The following NNT variants were observed in gnomAD, a reference collection of about 807,000 sequenced individuals.
NNT encodes the protein NAD(P) transhydrogenase, mitochondrial.
A neutral mutation model predicts 104.8 loss-of-function variants in NNT; 50 were observed. The observed-to-expected ratio is 0.48, with a 90% CI of 0.38 to 0.60. The LOEUF (loss-of-function observed/expected upper bound fraction) is 0.60. NNT is among the 20% of genes least tolerant of loss of function. The probability of loss-of-function intolerance (pLI) is 0.00; values close to 1 mark genes in which losing one functional copy is unlikely to be tolerated. For missense variants in NNT, 1,131 were observed against 1,330.7 expected (o/e 0.85, Z 2.33); for synonymous variants, 461 against 490.4 (o/e 0.94, Z 0.79).
At chr5:43,684,267 A>G (rs1741870297) in intron 19 of NNT, among the ~76,000 whole-genome samples, 1 of 151,948 alleles carries the variant, frequency 6.6e-6, no homozygotes, top group Non-Finnish European at 1.5e-5. Flanking sequence ...GAACAACAGA[A>G]TTCAGAAACA....
At chr5:43,619,298 T>A (rs1162314102) in intron 5 of NNT, among the ~76,000 whole-genome samples, 179 bp downstream of exon 5, 3 of 152,154 alleles carry the variant, frequency 2.0e-5, no homozygotes, top group Non-Finnish European at 4.4e-5. Context: ...TAGAAAAAAA[T>A]GAACTTTGAC....
chr5:43,663,768 T>C (rs1580068209), intron 17 of NNT, among the ~76,000 whole-genome samples: 1 of 152,346 alleles, frequency 6.6e-6, no homozygotes, highest in Non-Finnish European at 1.5e-5. Context: ...ATTATTCTCA[T>C]TTTACTGAGA....
In NNT at chr5:43,656,766, A is replaced by G. The variant is rs1476149643; in HGVS notation, c.2407A>G (p.Thr803Ala). The change falls in exon 16 of 22, where the codon ACT becomes GCT. Residue 803 changes from threonine to alanine, a missense_variant. Physicochemically the swap from Thr to Ala is moderately conservative, Grantham distance 58 (BLOSUM62 0). Coordinates refer to ENST00000344920, the MANE Select transcript of NNT (RefSeq NM_182977.3). ...ATTCATGGTGGACCCAAGCTTTACT[A>G]CTGGCATCACCTGTCTGGGTTCAGT... ...IPFMVDPSFTTGITCLGSVSA... is the reference protein window; with the variant it reads ...IPFMVDPSFTAGITCLGSVSA... 1.2e-6 allele frequency: 2 copies of G among 1,614,014 alleles called. No homozygotes were observed. Among genetic ancestry groups the G allele is most frequent in the South Asian group, 1.1e-5 (1 of 91,082 alleles).
At position 43,702,716 on chromosome 5, in the gene NNT, G is replaced by A; in HGVS notation, c.3091G>A (p.Glu1031Lys). Residue 1031 changes from glutamate (E) to lysine (K), a missense_variant, in exon 21 of 22, where the codon GAG becomes AAG. Coordinates refer to ENST00000344920, the MANE Select transcript of NNT (RefSeq NM_182977.3). The part of the protein sequence containing the change: ...NSIIAGMPVL[E>K]VWKSKQVIVM... The stretch of plus-strand genomic sequence containing the variant: ...TATTATTGCAGGCATGCCAGTCCTT[G>A]AGGTCTGGAAATCAAAGCAGGTAAA... The A allele has an allele frequency of 6.2e-7, 1 of 1,611,210 alleles. No homozygotes were observed. The highest frequency in any genetic ancestry group is 8.5e-7 in the Non-Finnish European group (1 of 1,178,538).
intron 7 of NNT, among the ~76,000 whole-genome samples, chr5:43,636,205 AG>A (rs1342917287): frequency 1.3e-5 from 2 of 152,166 alleles, no homozygotes; most frequent in East Asian, 3.8e-4. Flanking sequence ...CTGGGCATAG[AG>A]AACATTATTG....
At chr5:43,654,564 C>G (rs1317856375) in intron 14 of NNT, among the ~76,000 whole-genome samples, 3 of 152,200 alleles carry the variant, frequency 2.0e-5, no homozygotes, top group Non-Finnish European at 4.4e-5. Flanking sequence ...AACAATGTTC[C>G]TGTTGGAAGT....
intron 13 of NNT, among the ~76,000 whole-genome samples, 190 bp from the exon 14 acceptor site, chr5:43,652,828 G>A (rs917133352): frequency 3.3e-5 from 5 of 151,936 alleles, no homozygotes; most frequent in Admixed American, 6.6e-5. Flanking sequence ...TTTAAATTTA[G>A]GTACTTTTAT....
At position 43,679,505 on chromosome 5, in the gene NNT, G is replaced by A. The variant is rs374237550; in HGVS notation, c.2876+1699G>A. Among the ~76,000 whole-genome samples the A allele has an allele frequency of 3.0e-4, 46 of 152,310 alleles. 1 individual carries two copies. Among genetic ancestry groups the A allele is most frequent in the African/African-American group, 1.1e-3 (46 of 41,576 alleles). On this transcript the variant is annotated intron_variant, in intron 19 of 21. Transcript: ENST00000344920. ...AGGTGGATGTGGAGTGAAGAACATC[G>A]TGACTGTAGTGTAGCTTGAAGGAAG...
At chr5:43,698,047 G>GA (rs1340459486) in intron 19 of NNT, among the ~76,000 whole-genome samples, 1 of 151,426 alleles carries the variant, frequency 6.6e-6, no homozygotes, top group Non-Finnish European at 1.5e-5. Context: ...ATAGACCTTG[G>GA]AAAAAAATGA....
intron 21 of NNT, among the ~76,000 whole-genome samples, 170 bp downstream of exon 21, chr5:43,702,906 C>T (rs141852116): frequency 6.6e-6 from 1 of 152,216 alleles, no homozygotes; most frequent in Non-Finnish European, 1.5e-5. Context: ...TGTTCTCCGG[C>T]CACCAGAGAA....
chr5:43,674,819 T>A (rs2112092243), intron 17 of NNT, among the ~76,000 whole-genome samples: 1 of 152,294 alleles, frequency 6.6e-6, no homozygotes, highest in East Asian at 1.9e-4. Flanking sequence ...GCATGAGAAG[T>A]TCATTTATTT....
At chr5:43,623,792 G>T (rs752552775) in intron 5 of NNT, among the ~76,000 whole-genome samples, 45 of 152,156 alleles carry the variant, frequency 3.0e-4, no homozygotes, top group Non-Finnish European at 5.4e-4. Flanking sequence ...TATTTTTAGT[G>T]AATTGTTGTT....
intron 17 of NNT, among the ~76,000 whole-genome samples, chr5:43,663,271 A>G (rs1351890921): frequency 2.6e-5 from 4 of 152,088 alleles, no homozygotes; most frequent in African/African-American, 9.7e-5. Context: ...CAGTTTTTAT[A>G]AGTGCAATTA....
chr5:43,644,947 T>C, intron 9 of NNT, 145 bp downstream of exon 9: 1 of 618,972 alleles, frequency 1.6e-6, no homozygotes, highest in Non-Finnish European at 2.5e-6. Context: ...AAATTATTTG[T>C]AAATGCAGAA....
At position 43,624,352 on chromosome 5, in the gene NNT, T is replaced by G. The variant is rs556589399; in HGVS notation, c.776+232T>G. ...GGTGGATTGACAGTGGGACCAGAAT[T>G]CTTTCTATCCTGAGTTTCTAACATG... On this transcript the variant is annotated intron_variant, in intron 6 of 21. Coordinates refer to ENST00000344920, the MANE Select transcript of NNT (RefSeq NM_182977.3). Among the ~76,000 whole-genome samples the G allele has an allele frequency of 1.1e-4, 17 of 152,326 alleles. No individual in the cohort carries two copies. In the South Asian group the frequency reaches 2.7e-3, roughly 24 times the overall value.
intron 19 of NNT, among the ~76,000 whole-genome samples, chr5:43,683,849 T>A (rs963270570): frequency 2.0e-5 from 3 of 152,204 alleles, no homozygotes; most frequent in African/African-American, 4.8e-5. Flanking sequence ...TTGCCTATTT[T>A]AAAATCAAAA....
Position 43,609,352 on chromosome 5 carries a change from G to GTCTCACT in NNT, c.151+9_151+15dup. ...TAAAGCGCCTGTAAAACCAGGTAAA[G>GTCTCACT]TCTCACTTCAGTGATTGTAAATGAA... On this transcript the variant is annotated splice_region_variant and intron_variant, in intron 2 of 21. Coordinates refer to ENST00000344920, the MANE Select transcript of NNT (RefSeq NM_182977.3). 1 of 1,613,302 alleles carries GTCTCACT rather than the reference G, an allele frequency of 6.2e-7. No homozygotes were observed. The highest frequency in any genetic ancestry group is 1.7e-4 in the Middle Eastern group (1 of 6,058).
In NNT at chr5:43,603,288, G is replaced by C. The variant is rs975653911; in HGVS notation, c.-60G>C. The C allele has an allele frequency of 6.6e-6, 1 of 152,464 alleles. No homozygotes were observed. Among genetic ancestry groups the C allele is most frequent in the African/African-American group, 2.4e-5 (1 of 41,472 alleles). 9.4% of individuals were successfully genotyped at this position (152,464 alleles called of 1,614,324 possible). A position where few individuals can be genotyped will look rare whatever the true frequency, so the allele number is the denominator to read the frequency against. ...CACAGCCCAAGGCTGTCAGCCTCCC[G>C]GCCCAGGTGAGCGCGACGGCACTGG... On this transcript the variant is annotated 5_prime_UTR_variant, in exon 1 of 22. Coordinates refer to ENST00000344920, the MANE Select transcript of NNT (RefSeq NM_182977.3).
At chr5:43,694,668 T>C (rs542518192) in intron 19 of NNT, among the ~76,000 whole-genome samples, 1 of 152,088 alleles carries the variant, frequency 6.6e-6, no homozygotes, top group South Asian at 2.1e-4. Context: ...GATGTGCTGC[T>C]GGATTTGGTT....
Sources: allele counts gnomAD v4.1 joint callset (sites outside exome capture counted in the v4.1 genomes callset), GRCh38; gene constraint gnomAD v4.1.1; transcripts MANE v1.5; gene names NCBI Gene and HGNC (gene_info 2026-07-23, HGNC 2026-07-21).